PCDH7: variants seen among roughly 807,000 people sequenced by gnomAD.
PCDH7 encodes the protein protocadherin 7, also known as protocadherin-7.
In PCDH7, 17 loss-of-function variants were observed where a neutral mutation model predicts 58.9. The observed-to-expected ratio is 0.29, with a 90% CI of 0.20 to 0.43. PCDH7 has a LOEUF of 0.43. Ranked by LOEUF, PCDH7 falls within the 20% of genes least tolerant of loss-of-function variation. PCDH7 has a pLI of 1.00. For missense variants in PCDH7, 1,274 were observed against 1,441.0 expected (o/e 0.88, Z 1.88); for synonymous variants, 664 against 616.4 (o/e 1.08, Z -1.14).
intron 3 of PCDH7, among the ~76,000 whole-genome samples, chr4:31,133,516 C>T (rs1719229032): frequency 6.6e-6 from 1 of 152,030 alleles, no homozygotes; most frequent in Non-Finnish European, 1.5e-5. Flanking sequence ...CCTGTCTGTT[C>T]CTGGGTTTTA....
chr4:30,941,650 A>G (rs1420709699), intron 2 of PCDH7, among the ~76,000 whole-genome samples: 1 of 151,932 alleles, frequency 6.6e-6, no homozygotes, highest in African/African-American at 2.4e-5. Flanking sequence ...ATTTTATTTT[A>G]TTCTACTGTT....
chr4:30,970,404 C>T (rs534596050), intron 3 of PCDH7, among the ~76,000 whole-genome samples: 7 of 152,134 alleles, frequency 4.6e-5, no homozygotes, highest in East Asian at 3.9e-4. Flanking sequence ...ACGCCATTCT[C>T]CTGCCTCAGC....
chr4:30,809,268 T>A (rs1277799423), intron 1 of PCDH7, among the ~76,000 whole-genome samples: 1 of 152,172 alleles, frequency 6.6e-6, no homozygotes. Flanking sequence ...TCAAATCGTC[T>A]TTCCCCTTCC....
At chr4:31,037,057 C>T (rs1755469868) in intron 3 of PCDH7, among the ~76,000 whole-genome samples, 2 of 152,148 alleles carry the variant, frequency 1.3e-5, no homozygotes, top group South Asian at 4.1e-4. Flanking sequence ...GTGGGAGCTA[C>T]AATTCAAGAT....
intron 1 of PCDH7, among the ~76,000 whole-genome samples, chr4:30,843,639 A>G (rs1258180172): frequency 2.0e-5 from 3 of 152,220 alleles, no homozygotes; most frequent in Admixed American, 1.3e-4. Flanking sequence ...AAAAAACCAA[A>G]CATCTATCTG....
intron 1 of PCDH7, among the ~76,000 whole-genome samples, chr4:30,786,570 C>T (rs796842239): frequency 1.3e-4 from 20 of 152,034 alleles, no homozygotes; most frequent in African/African-American, 4.3e-4. Flanking sequence ...TGTTATGTCT[C>T]TATGGCTTCT....
intron 1 of PCDH7, among the ~76,000 whole-genome samples, chr4:30,900,972 T>G (rs1183692389): frequency 6.6e-6 from 1 of 152,208 alleles, no homozygotes; most frequent in African/African-American, 2.4e-5. Flanking sequence ...AAGATGAATT[T>G]TCTGGTTTTT....
intron 1 of PCDH7, among the ~76,000 whole-genome samples, chr4:30,883,185 AT>A (rs1405142149): frequency 6.6e-6 from 1 of 152,200 alleles, no homozygotes; most frequent in Non-Finnish European, 1.5e-5. Context: ...CACGGAGGTA[AT>A]TCGAGAGAAA....
intron 1 of PCDH7, among the ~76,000 whole-genome samples, chr4:30,839,095 A>G (rs533701489): frequency 2.0e-5 from 3 of 151,900 alleles, no homozygotes; most frequent in African/African-American, 7.2e-5. Flanking sequence ...TTAAATATAC[A>G]GTATATATCT....
At chr4:31,000,560 T>C (rs948054723) in intron 3 of PCDH7, among the ~76,000 whole-genome samples, 1 of 152,098 alleles carries the variant, frequency 6.6e-6, no homozygotes, top group Admixed American at 6.5e-5. Flanking sequence ...TTGTTGTTTA[T>C]GGGGAAAAGA....
chr4:30,806,004 C>G (rs1368648548), intron 1 of PCDH7, among the ~76,000 whole-genome samples: 1 of 152,190 alleles, frequency 6.6e-6, no homozygotes, highest in Non-Finnish European at 1.5e-5. Context: ...AAGTGAGCAT[C>G]CAAAATTTGA....
intron 1 of PCDH7, among the ~76,000 whole-genome samples, chr4:30,824,133 T>TTCTTTCTC (rs1560407926): frequency 5.4e-5 from 8 of 147,306 alleles, no homozygotes; most frequent in African/African-American, 1.8e-4. Context: ...CTTTCTTTCT[T>TTCTTTCTC]TCTTTCTTTC....
chr4:30,935,902 A>G (rs1745281775), intron 2 of PCDH7, among the ~76,000 whole-genome samples: 2 of 152,084 alleles, frequency 1.3e-5, no homozygotes, highest in African/African-American at 4.8e-5. Context: ...CCCAATTGCA[A>G]TACAATTGGA....
At position 30,942,175 on chromosome 4, in the gene PCDH7, A is replaced by G. The variant is rs554972964; in HGVS notation, c.288-7945A>G. ...AATTTTTGAATTAATTAATGAATAAATGAATATTCGAATCAAGGATCTACT... is the reference window on the plus strand; with the variant it reads ...AATTTTTGAATTAATTAATGAATAAGTGAATATTCGAATCAAGGATCTACT... On this transcript the variant is annotated intron_variant, in intron 2 of 3. Transcript: ENST00000509759. 2.0e-5 allele frequency among the ~76,000 whole-genome samples: 3 copies of G among 152,090 alleles called. No homozygotes were observed. The South Asian group carries it at 6.2e-4, about 32-fold the overall frequency.
intron 3 of PCDH7, among the ~76,000 whole-genome samples, chr4:31,091,706 G>A (rs1161567074): frequency 6.6e-6 from 1 of 151,766 alleles, no homozygotes; most frequent in East Asian, 1.9e-4. Flanking sequence ...TTATTGTGAG[G>A]AACATTTACT....
intron 1 of PCDH7, among the ~76,000 whole-genome samples, chr4:30,910,386 A>G (rs1741568912): frequency 6.6e-6 from 1 of 152,208 alleles, no homozygotes; most frequent in Admixed American, 6.5e-5. Flanking sequence ...CAGGCAAACT[A>G]CAGAATGGGA....
rs77693566 is a variant in PCDH7, at chr4:31,034,818, T to A, written c.*7+84603T>A. On this transcript the variant is annotated intron_variant, in intron 3 of 3. Transcript: ENST00000509759. ...ATTCTCTGTCAGCATTTAAAAAAAA[T>A]AATAGAACTTCAAATAGGATTGATT... is the stretch of plus-strand genomic sequence containing the variant. Among the ~76,000 whole-genome samples, 5 of 150,470 alleles carry A rather than the reference T, an allele frequency of 3.3e-5. No individual in the cohort carries two copies. In the East Asian group the frequency reaches 6.3e-4, roughly 19 times the overall value.
At chr4:30,887,753 AT>A (rs1738016952) in intron 1 of PCDH7, among the ~76,000 whole-genome samples, 2 of 152,212 alleles carry the variant, frequency 1.3e-5, no homozygotes, top group Non-Finnish European at 2.9e-5. Flanking sequence ...ATGTAGAACA[AT>A]TAACTTAGAC....
rs373185043 is a variant in PCDH7 at position 30,724,483 on chromosome 4, G to A, written c.3061G>A (p.Val1021Ile). 2.0e-5 allele frequency: 32 copies of A among 1,613,996 alleles called. No homozygotes were observed. The African/African-American group carries it at 2.5e-4, about 13-fold the overall frequency. ...AACTGCAGGAAAAAAACACCAGGCC[G>A]TACAAGATCTACCACCAGCCAACAC... Residue 1021 changes from valine to isoleucine, a missense_variant, in exon 1 of 2, where the codon GTA (valine) becomes ATA (isoleucine). Val to Ile is a conservative substitution (Grantham distance 29). Coordinates refer to ENST00000361762, the Ensembl canonical transcript of PCDH7.
Sources: allele counts gnomAD v4.1 joint callset (sites outside exome capture counted in the v4.1 genomes callset), GRCh38; gene constraint gnomAD v4.1.1; transcripts MANE v1.5; gene names NCBI Gene and HGNC (gene_info 2026-07-23, HGNC 2026-07-21).